Variants in TTN observed in about 807,000 individuals in gnomAD.
The protein encoded by TTN is titin, also known as connectin.
A neutral mutation model predicts 3,223.0 loss-of-function variants in TTN; 1,525 were observed. The ratio of observed to expected loss-of-function variants is 0.47; its 90% CI spans 0.45 to 0.49. The LOEUF is 0.49. TTN is among the 20% of genes least tolerant of loss of function. The probability of loss-of-function intolerance (pLI) is 0.00; values close to 1 mark genes in which losing one functional copy is unlikely to be tolerated. For missense variants in TTN, 40,786 were observed against 43,424.0 expected (o/e 0.94, Z 5.40); for synonymous variants, 14,094 against 15,161.0 (o/e 0.93, Z 5.17).
chr2:178,581,836 GA>G, intron 315 of TTN, 32 bp from the exon 316 acceptor site: 2 of 1,596,714 alleles, frequency 1.3e-6, no homozygotes, highest in Non-Finnish European at 1.7e-6. Context: ...AAATTTTCAT[GA>G]AAACTTCCTT....
intron 44 of TTN, 60 bp downstream of exon 44, chr2:178,758,924 C>T (rs1375298354): frequency 8.1e-6 from 12 of 1,487,272 alleles, no homozygotes; most frequent in African/African-American, 2.8e-5. Context: ...GTAATTGTTA[C>T]AGACATTGTT....
At chr2:178,540,514 T>A in intron 350 of TTN, 144 bp from the exon 351 acceptor site, 2 of 742,382 alleles carry the variant, frequency 2.7e-6, no homozygotes, top group Non-Finnish European at 4.3e-6. Flanking sequence ...TATTCATGGC[T>A]GGGTGTGGTG....
Position 178,559,995 on chromosome 2 carries a change from T to C in TTN, c.86137A>G (p.Ser28713Gly), listed in dbSNP as rs1703047213. The C allele has an allele frequency of 6.2e-7, 1 of 1,613,790 alleles. No individual in the cohort carries two copies. Among genetic ancestry groups the C allele is most frequent in the Non-Finnish European group, 8.5e-7 (1 of 1,179,816 alleles). Residue 28713 changes from serine (S) to glycine (G), a missense_variant, in exon 326 of 363, where the codon AGC becomes GGC. Physicochemically the swap from Ser to Gly is moderately conservative, Grantham distance 56. Transcript: ENST00000589042. Reference protein sequence around the residue: ...QSLRGTEYTISGLTTGAEYVF... With the variant: ...QSLRGTEYTIGGLTTGAEYVF... ...TATTCAGCTCCTGTTGTTAGTCCGC[T>C]TATTGTATATTCTGTCCCTCGTAAG...
chr2:178,635,086 C>A, intron 228 of TTN, 79 bp downstream of exon 228: 2 of 1,569,100 alleles, frequency 1.3e-6, no homozygotes, highest in Non-Finnish European at 1.7e-6. Flanking sequence ...TTAAAGCAAC[C>A]CGAATCTAGG....
At chr2:178,751,677 A>G (rs1471559472) in intron 47 of TTN, 7 of 1,613,346 alleles carry the variant, frequency 4.3e-6, no homozygotes, top group Non-Finnish European at 5.1e-6. Flanking sequence ...TAACTTCCAG[A>G]ATCTCTGTCT....
In TTN at chr2:178,646,532, G is replaced by A. The variant is rs537578226; in HGVS notation, c.40250C>T (p.Pro13417Leu). Residue 13417 changes from proline to leucine, a missense_variant, in exon 216 of 363, where the codon CCT becomes CTT. Physicochemically the swap from Pro to Leu is moderately conservative, Grantham distance 98. Coordinates refer to ENST00000589042, the MANE Select transcript of TTN (RefSeq NM_001267550.2). ...EEREIEKYIK[P>L]EEPEPEPQPE... Reference sequence around the variant, plus strand: ...CTGTGGTTCAGGTTCGGGCTCTTCAGGTTTAATATACTTTTCAATTTCACG... The same window carrying A: ...CTGTGGTTCAGGTTCGGGCTCTTCAAGTTTAATATACTTTTCAATTTCACG... The A allele has an allele frequency of 5.8e-5, 89 of 1,547,460 alleles. No homozygotes were observed. In the East Asian group the frequency reaches 1.5e-3, roughly 26 times the overall value.
In TTN at chr2:178,718,351, T is replaced by A; in HGVS notation, c.24755A>T (p.Asp8252Val). 6.2e-7 allele frequency: 1 copy of A among 1,613,696 alleles called. No homozygotes were observed. Among genetic ancestry groups the A allele is most frequent in the Non-Finnish European group, 8.5e-7 (1 of 1,179,686 alleles). The change falls in exon 85 of 363, where the codon GAT becomes GTT. Residue 8252 changes from aspartate (D) to valine (V), a missense_variant. By Grantham distance (152) the Asp-to-Val change is radical. Coordinates refer to ENST00000589042, the MANE Select transcript of TTN (RefSeq NM_001267550.2). Reference protein sequence around the residue: ...SCLIENEAGQDICEALVSVLE... With the variant: ...SCLIENEAGQVICEALVSVLE... ...GACAGACACCAGAGCTTCACAGATA[T>A]CTTGACCAGCCTCATTTTCTATCAG...
In TTN at chr2:178,727,616, G is replaced by A. The variant is rs765887722; in HGVS notation, c.19962C>T (p.Ser6654=). The A allele has an allele frequency of 1.8e-5, 28 of 1,592,516 alleles. No homozygotes were observed. In the Admixed American group the frequency reaches 2.3e-4, roughly 13 times the overall value. Residue 6654 remains serine (S), a synonymous_variant, in exon 68 of 363, where the codon AGC becomes AGT. Transcript: ENST00000589042. ...CAAGCAACATCGTAGTACAAGAGTC[G>A]CTACCAACATCATTGGTAACATGGC... ...YTCHVTNDVG[S]DSCTTMLLVT...
intron 239 of TTN, among the ~76,000 whole-genome samples, chr2:178,629,820 C>A (rs549915868): frequency 1.3e-5 from 2 of 152,216 alleles, no homozygotes; most frequent in East Asian, 3.9e-4. Flanking sequence ...AAACACTTTG[C>A]ACCTTCCAGA....
chr2:178,716,973 G>A, intron 88 of TTN, 122 bp downstream of exon 88: 1 of 1,099,222 alleles, frequency 9.1e-7, no homozygotes, highest in Non-Finnish European at 1.2e-6. Context: ...TGATCCACTT[G>A]ATCCATTTTC....
Position 178,681,771 on chromosome 2 carries a change from G to A in TTN, c.33095-33C>T, listed in dbSNP as rs370129414. On this transcript the variant is annotated intron_variant, in intron 135 of 362. Coordinates refer to ENST00000589042, the MANE Select transcript of TTN (RefSeq NM_001267550.2). ...AGTACATACAAGGTATTTCATGTTA[G>A]ACTTAGAATATAAGTTTAAACATTT... 1.4e-5 allele frequency: 21 copies of A among 1,496,678 alleles called. No homozygotes were observed. The African/African-American group carries it at 2.9e-4, about 20-fold the overall frequency. 92.7% of individuals were successfully genotyped at this position (1,496,678 alleles called of 1,614,324 possible).
chr2:178,771,271 T>C lies in TTN; in HGVS notation c.8056A>G (p.Ile2686Val), dbSNP rs756935554. ...GCCACCTTGTAGGTATATTCTCCAA[T>C]GTCATCTAATTTGGTGGCAGCAATG... The part of the protein sequence containing the change: ...LIIAATKLDD[I>V]GEYTYKVATS... Residue 2686 changes from isoleucine (I) to valine (V), a missense_variant, in exon 34 of 363, where the codon ATT (isoleucine) becomes GTT (valine). By Grantham distance (29) the Ile-to-Val change is conservative. Transcript: ENST00000589042. 14 of 1,614,138 alleles carry C rather than the reference T, an allele frequency of 8.7e-6. No homozygotes were observed. Among genetic ancestry groups the C allele is most frequent in the Admixed American group, 3.3e-5 (2 of 60,016 alleles).
intron 152 of TTN, 116 bp downstream of exon 152, chr2:178,673,517 C>A: frequency 3.0e-6 from 2 of 664,142 alleles, no homozygotes; most frequent in African/African-American, 1.9e-5. Context: ...TTTACTGGTC[C>A]TTAATCAGTT....
In TTN at chr2:178,720,199, G is replaced by C; in HGVS notation, c.23443C>G (p.Arg7815Gly). 6.2e-7 allele frequency: 1 copy of C among 1,613,702 alleles called. No individual in the cohort carries two copies. The highest frequency in any genetic ancestry group is 8.5e-7 in the Non-Finnish European group (1 of 1,179,718). Residue 7815 changes from arginine (R) to glycine (G), a missense_variant, in exon 81 of 363, where the codon CGG (arginine) becomes GGG (glycine). Physicochemically the swap from Arg to Gly is moderately radical, Grantham distance 125. Coordinates refer to ENST00000589042, the MANE Select transcript of TTN (RefSeq NM_001267550.2). ...STLIGDAVEL[R>G]AIVEGFQPIS... is the part of the protein sequence containing the mutation. ...GGCTGGAAGCCCTCCACTATGGCCCGTAACTCAACAGCATCCCCAATAAGG... is the reference window on the plus strand; with the variant it reads ...GGCTGGAAGCCCTCCACTATGGCCCCTAACTCAACAGCATCCCCAATAAGG...
intron 22 of TTN, chr2:178,779,696 T>A: frequency 1.9e-6 from 1 of 537,130 alleles, no homozygotes; most frequent in South Asian, 2.3e-5. Context: ...AGAGGTTACA[T>A]TAGCTTATCA....
At chr2:178,664,394 T>C in intron 168 of TTN, 66 bp downstream of exon 168, 2 of 1,280,036 alleles carry the variant, frequency 1.6e-6, no homozygotes, top group South Asian at 1.3e-5. Context: ...TTTTCAAAAC[T>C]AGAAAGGTGG....
At chr2:178,760,402 C>G (rs1223894260) in intron 43 of TTN, among the ~76,000 whole-genome samples, 1 of 152,064 alleles carries the variant, frequency 6.6e-6, no homozygotes, top group Non-Finnish European at 1.5e-5. Context: ...TGGTGGCACA[C>G]ACCTATAATC....
At chr2:178,585,475 G>A in intron 308 of TTN, 128 bp from the exon 309 acceptor site, 1 of 977,012 alleles carries the variant, frequency 1.0e-6, no homozygotes, top group Non-Finnish European at 1.5e-6. Context: ...TTAAGTTCTG[G>A]GATACATATG....
At position 178,550,030 on chromosome 2, in the gene TTN, T is replaced by C. The variant is rs794729533; in HGVS notation, c.91808A>G (p.Asn30603Ser). 6 of 1,611,556 alleles carry C rather than the reference T, an allele frequency of 3.7e-6. No homozygotes were observed. Among genetic ancestry groups the C allele is most frequent in the Non-Finnish European group, 5.1e-6 (6 of 1,178,066 alleles). ...HRGVYTVEAKNASGSAKAEIK... is the reference protein window; with the variant it reads ...HRGVYTVEAKSASGSAKAEIK... ...TTCTGCTTTTGCAGAACCAGATGCA[T>C]TTTTGGCTTCCACTGTGTATACACC... Residue 30603 changes from asparagine (N) to serine (S), a missense_variant, in exon 337 of 363, where the codon AAT becomes AGT. Physicochemically the swap from Asn to Ser is conservative, Grantham distance 46. Coordinates refer to ENST00000589042, the MANE Select transcript of TTN (RefSeq NM_001267550.2).
Sources: allele counts gnomAD v4.1 joint callset (sites outside exome capture counted in the v4.1 genomes callset), GRCh38; gene constraint gnomAD v4.1.1; transcripts MANE v1.5; gene names NCBI Gene and HGNC (gene_info 2026-07-23, HGNC 2026-07-21).